DYRK1A: variants seen among roughly 807,000 people sequenced by gnomAD.
DYRK1A encodes dual specificity tyrosine-phosphorylation-regulated kinase 1A.
DYRK1A carries 9 observed loss-of-function variants against 79.7 expected under a neutral mutation model. That is an observed-to-expected ratio of 0.11 (90% CI 0.07 to 0.20). The LOEUF is 0.20. DYRK1A is among the 10% of genes least tolerant of loss of function. The pLI, the probability that DYRK1A is intolerant of heterozygous loss-of-function variation, is 1.00. For synonymous variants in DYRK1A, 349 were observed against 329.7 expected (o/e 1.06, Z -0.63); for missense variants, 622 against 956.0 (o/e 0.65, Z 4.61).
At chr21:37,365,623 G>A (rs1303094815), upstream of DYRK1A, 2 of 152,216 alleles carry the variant, frequency 1.3e-5, no homozygotes, top group Non-Finnish European at 2.9e-5. Context: ...CATAGCTAGG[G>A]AGAAGGGGTA....
chr21:37,416,673 A>G (rs1016073790), intron 1 of DYRK1A, among the ~76,000 whole-genome samples: 2 of 152,152 alleles, frequency 1.3e-5, no homozygotes, highest in Non-Finnish European at 2.9e-5. Context: ...ATTTTAGATA[A>G]TGACATAAGT....
chr21:37,372,457 A>G (rs2049452293), intron 1 of DYRK1A, among the ~76,000 whole-genome samples: 1 of 151,874 alleles, frequency 6.6e-6, no homozygotes, highest in Non-Finnish European at 1.5e-5. Context: ...TCAAAAAAAA[A>G]AAAAAAGGTT....
Position 37,472,862 on chromosome 21 carries a change from G to A in DYRK1A, c.189G>A (p.Gln63=), listed in dbSNP as rs748888299. 8 of 1,581,322 alleles carry A rather than the reference G, an allele frequency of 5.1e-6. 2 individuals are homozygous for A. The South Asian group carries it at 6.9e-5, about 14-fold the overall frequency. ...VSALSYSDQI[Q]QPLTNQRRMP... ...CCTTATCATATTCTGACCAGATTCA[G>A]CAACCTCTAACTAACCAGGTAAGTT... Residue 63 remains glutamine, a synonymous_variant, in exon 3 of 12, where the codon CAG becomes CAA. Transcript: ENST00000647188.
At chr21:37,500,078 G>A (rs576679936) in intron 9 of DYRK1A, among the ~76,000 whole-genome samples, 2 of 152,326 alleles carry the variant, frequency 1.3e-5, no homozygotes, top group African/African-American at 4.8e-5. Flanking sequence ...ACTGAGGGAT[G>A]ACTGTATTTT....
At chr21:37,446,859 C>T (rs2051289729) in intron 2 of DYRK1A, among the ~76,000 whole-genome samples, 1 of 152,192 alleles carries the variant, frequency 6.6e-6, no homozygotes, top group Non-Finnish European at 1.5e-5. Context: ...GCGGTGGAAG[C>T]ACACAGGTCA....
Position 37,513,004 on chromosome 21 carries a change from A to G in DYRK1A, c.*473A>G, listed in dbSNP as rs1601338848. On this transcript the variant is annotated 3_prime_UTR_variant, in exon 12 of 12. Coordinates refer to ENST00000647188, the MANE Select transcript of DYRK1A (RefSeq NM_001347721.2). ...TTTTGTTTTGGGTGGGAGGGTGGGA[A>G]ATTTGGGTTTTTAAGTCCTCTAAAC... 6.4e-6 allele frequency: 1 copy of G among 156,350 alleles called. No individual in the cohort carries two copies. The highest frequency in any genetic ancestry group is 2.5e-5 in the African/African-American group (1 of 40,240). 9.7% of individuals were successfully genotyped at this position (156,350 alleles called of 1,614,324 possible). A position where few individuals can be genotyped will look rare whatever the true frequency, so the allele number is the denominator to read the frequency against.
chr21:37,406,331 A>G (rs1482741883), intron 1 of DYRK1A, among the ~76,000 whole-genome samples: 2 of 152,206 alleles, frequency 1.3e-5, no homozygotes, highest in East Asian at 3.8e-4. Flanking sequence ...ATTACCAGAG[A>G]TAGAAAAATT....
chr21:37,382,798 A>G (rs1256452572), intron 1 of DYRK1A, among the ~76,000 whole-genome samples: 2 of 152,174 alleles, frequency 1.3e-5, no homozygotes, highest in African/African-American at 4.8e-5. Context: ...ATCCGTGTTT[A>G]CCTCCAGATA....
At chr21:37,419,884 A>G (rs2050431242) in intron 1 of DYRK1A, 1 of 152,242 alleles carries the variant, frequency 6.6e-6, no homozygotes, top group Non-Finnish European at 1.5e-5. Flanking sequence ...TCTTTCCTAT[A>G]AAGTAACTTT....
chr21:37,456,114 A>G (rs539786845), intron 2 of DYRK1A: 19 of 152,236 alleles, frequency 1.2e-4, no homozygotes, highest in African/African-American at 3.9e-4. Context: ...CCCTCTGTCT[A>G]TATTCTATTT....
chr21:37,480,881 T>C (rs1291789451), intron 5 of DYRK1A, 55 bp downstream of exon 5: 3 of 1,439,634 alleles, frequency 2.1e-6, no homozygotes, highest in Admixed American at 2.2e-5. Context: ...TCTTAGTGAA[T>C]CTTGTTGTTA....
intron 1 of DYRK1A, among the ~76,000 whole-genome samples, chr21:37,409,623 A>AT (rs2050207821): frequency 1.3e-5 from 2 of 152,054 alleles, no homozygotes; most frequent in South Asian, 2.1e-4. Flanking sequence ...TTCTTGGACC[A>AT]TTTTTTTCCT....
chr21:37,466,838 T>C (rs1296407228), intron 2 of DYRK1A, among the ~76,000 whole-genome samples: 1 of 151,994 alleles, frequency 6.6e-6, no homozygotes, highest in African/African-American at 2.4e-5. Context: ...GCATACTTAA[T>C]AAAATTAAAC....
intron 2 of DYRK1A, among the ~76,000 whole-genome samples, chr21:37,460,898 C>A (rs2051816987): frequency 6.6e-6 from 1 of 151,980 alleles, no homozygotes; most frequent in Non-Finnish European, 1.5e-5. Context: ...TATATGTTAT[C>A]CTCTGTACAA....
At chr21:37,366,696 G>T (rs780027284), upstream of DYRK1A, among the ~76,000 whole-genome samples, 179 of 152,072 alleles carry the variant, frequency 1.2e-3, no homozygotes, top group Non-Finnish European at 1.9e-3. Flanking sequence ...CCGCCCGCCG[G>T]CTCGGGGCTG....
Position 37,414,813 on chromosome 21 carries a change from AC to A in DYRK1A, c.-76-5485del, listed in dbSNP as rs1351560231. ...TATCTATTCACAAGAGAATAGATAAACAGTTGATAGACTTGAAGGTCATACA... is the reference window on the plus strand; with the variant it reads ...TATCTATTCACAAGAGAATAGATAAAAGTTGATAGACTTGAAGGTCATACA... On this transcript the variant is annotated intron_variant, in intron 1 of 11. Transcript: ENST00000647188. Among the ~76,000 whole-genome samples, 81 of 152,326 alleles carry A rather than the reference AC, an allele frequency of 5.3e-4. No individual in the cohort carries two copies. In the East Asian group the frequency reaches 0.014, roughly 27 times the overall value.
intron 1 of DYRK1A, among the ~76,000 whole-genome samples, chr21:37,416,864 A>G (rs1163318415): frequency 1.3e-5 from 2 of 152,188 alleles, no homozygotes; most frequent in Non-Finnish European, 2.9e-5. Flanking sequence ...GAGCATTTAT[A>G]TAACATATAA....
chr21:37,442,565 C>T (rs71332582), intron 2 of DYRK1A, among the ~76,000 whole-genome samples: 2,161 of 151,964 alleles, frequency 0.014, 21 homozygotes, highest in Middle Eastern at 0.027. Flanking sequence ...GTTTTTATTT[C>T]CATTTCTATT....
rs1947017769 is a variant in DYRK1A, at chr21:37,424,795, C to T, written c.10+4411C>T. 2.6e-5 allele frequency among the ~76,000 whole-genome samples: 4 copies of T among 152,066 alleles called. No individual in the cohort carries two copies. In the South Asian group the frequency reaches 8.3e-4, roughly 32 times the overall value. ...TAAAATTATTTTCTTATAATTGATT[C>T]CTAGGAGTCATAATGTTTGAAAAAT... On this transcript the variant is annotated intron_variant, in intron 2 of 11. Coordinates refer to ENST00000647188, the MANE Select transcript of DYRK1A (RefSeq NM_001347721.2).
Sources: allele counts gnomAD v4.1 joint callset (sites outside exome capture counted in the v4.1 genomes callset), GRCh38; gene constraint gnomAD v4.1.1; transcripts MANE v1.5; gene names NCBI Gene and HGNC (gene_info 2026-07-23, HGNC 2026-07-21).